SAMD12: variants seen among roughly 807,000 people sequenced by gnomAD.
SAMD12 encodes sterile alpha motif domain-containing protein 12.
SAMD12 carries 9 observed loss-of-function variants against 15.0 expected under a neutral mutation model. The observed-to-expected ratio is 0.60, with a 90% CI of 0.36 to 1.05. The LOEUF (loss-of-function observed/expected upper bound fraction) is 1.05, where lower values mean the gene tolerates loss of function less well. SAMD12 is among the 50% of genes least tolerant of loss of function. SAMD12 has a pLI of 0.01. For missense variants in SAMD12, 230 were observed against 234.2 expected (o/e 0.98, Z 0.12); for synonymous variants, 86 against 90.1 (o/e 0.96, Z 0.25).
intron 4 of SAMD12, among the ~76,000 whole-genome samples, chr8:118,247,856 G>A (rs750943447): frequency 3.9e-5 from 6 of 152,132 alleles, no homozygotes; most frequent in Non-Finnish European, 8.8e-5. Context: ...GCCTCCCAAA[G>A]TGCTGGGATT....
At chr8:118,499,171 T>G (rs1463483441) in intron 2 of SAMD12, among the ~76,000 whole-genome samples, 1 of 152,212 alleles carries the variant, frequency 6.6e-6, no homozygotes, top group Non-Finnish European at 1.5e-5. Flanking sequence ...CATCCTAACA[T>G]GGGCTTCCAT....
At chr8:118,185,171 A>G (rs1180365059), downstream of SAMD12, among the ~76,000 whole-genome samples, 2 of 152,184 alleles carry the variant, frequency 1.3e-5, no homozygotes, top group African/African-American at 2.4e-5. Context: ...TAAGAAGGAA[A>G]GTGAACTATG....
At chr8:118,368,735 A>C (rs575259516) in intron 4 of SAMD12, among the ~76,000 whole-genome samples, 39 of 152,340 alleles carry the variant, frequency 2.6e-4, no homozygotes, top group African/African-American at 9.1e-4. Context: ...AATGAGAGAA[A>C]AGGGCAACAA....
chr8:118,156,305 T>A, the SAMD12 span, among the ~76,000 whole-genome samples: 1 of 152,176 alleles, frequency 6.6e-6, no homozygotes, highest in Non-Finnish European at 1.5e-5. Context: ...TAAGATAACA[T>A]CAGATTGTAT....
chr8:118,325,592 CTT>C (rs1404056171), intron 4 of SAMD12, among the ~76,000 whole-genome samples: 1 of 152,152 alleles, frequency 6.6e-6, no homozygotes, highest in Non-Finnish European at 1.5e-5. Flanking sequence ...GGCAAGAACA[CTT>C]AAGATCTCTC....
intron 3 of SAMD12, among the ~76,000 whole-genome samples, chr8:118,430,163 T>C (rs1397721542): frequency 5.3e-5 from 8 of 152,158 alleles, no homozygotes. Context: ...TCTATAGATA[T>C]CAGTTAGGTC....
At chr8:118,548,398 C>T (rs547021693) in intron 2 of SAMD12, among the ~76,000 whole-genome samples, 7,730 of 150,188 alleles carry the variant, frequency 0.051, 273 homozygotes, top group Non-Finnish European at 0.082. Flanking sequence ...CACACACACA[C>T]ACACACACAC....
intron 1 of SAMD12, among the ~76,000 whole-genome samples, chr8:118,617,694 G>A (rs968062277): frequency 2.0e-5 from 3 of 152,008 alleles, no homozygotes; most frequent in Non-Finnish European, 4.4e-5. Flanking sequence ...AATTGGGGAT[G>A]AGGGGTAAAA....
intron 1 of SAMD12, among the ~76,000 whole-genome samples, chr8:118,583,461 A>C (rs952696695): frequency 6.6e-6 from 1 of 152,198 alleles, no homozygotes; most frequent in Non-Finnish European, 1.5e-5. Context: ...TTAATGAAGA[A>C]AAGAAAAATG....
At chr8:118,477,211 G>A (rs946681852) in intron 2 of SAMD12, among the ~76,000 whole-genome samples, 1 of 151,820 alleles carries the variant, frequency 6.6e-6, no homozygotes, top group Non-Finnish European at 1.5e-5. Context: ...GATTACAGGC[G>A]CCCACCACCA....
chr8:118,192,487 C>T (rs1237487919), exon 5 of SAMD12: 1 of 152,126 alleles, frequency 6.6e-6, no homozygotes, highest in East Asian at 1.9e-4. Context: ...AGCCTCCTTC[C>T]TTGAGGTTCA....
chr8:118,143,416 A>T, the SAMD12 span, among the ~76,000 whole-genome samples: 1 of 152,226 alleles, frequency 6.6e-6, no homozygotes, highest in Admixed American at 6.5e-5. Context: ...AAATACCCTA[A>T]GTGACTTGTC....
chr8:118,452,954 C>A (rs994928709), intron 2 of SAMD12, among the ~76,000 whole-genome samples: 15 of 152,256 alleles, frequency 9.9e-5, no homozygotes, highest in Middle Eastern at 3.4e-3. Flanking sequence ...TGAGAATGAT[C>A]AAGAATTAGC....
At chr8:118,213,669 C>T (rs1297268548) in intron 4 of SAMD12, among the ~76,000 whole-genome samples, 1 of 152,102 alleles carries the variant, frequency 6.6e-6, no homozygotes, top group Non-Finnish European at 1.5e-5. Context: ...AATTCACTAC[C>T]CTGTTAATTT....
intron 2 of SAMD12, among the ~76,000 whole-genome samples, chr8:118,448,856 T>A (rs151179082): frequency 3.3e-5 from 5 of 152,358 alleles, no homozygotes; most frequent in Middle Eastern, 3.4e-3. Context: ...AACGTATTTC[T>A]AAATTCACTG....
intron 4 of SAMD12, among the ~76,000 whole-genome samples, chr8:118,214,028 A>G (rs1811899057): frequency 6.6e-6 from 1 of 152,246 alleles, no homozygotes; most frequent in Admixed American, 6.5e-5. Flanking sequence ...AATTGAGAGT[A>G]GAGTTCATGA....
At chr8:118,343,316 T>C (rs1276923442) in intron 4 of SAMD12, among the ~76,000 whole-genome samples, 2 of 151,832 alleles carry the variant, frequency 1.3e-5, no homozygotes, top group East Asian at 1.9e-4. Context: ...TACATGATAG[T>C]TTTGGAGAGA....
chr8:118,608,933 T>C (rs779679945), intron 1 of SAMD12, among the ~76,000 whole-genome samples: 15 of 152,320 alleles, frequency 9.8e-5, no homozygotes, highest in Non-Finnish European at 1.8e-4. Flanking sequence ...CGACATATTA[T>C]GAACCCAATT....
intron 2 of SAMD12, among the ~76,000 whole-genome samples, chr8:118,472,196 A>C (rs903972563): frequency 6.6e-6 from 1 of 151,878 alleles, no homozygotes; most frequent in African/African-American, 2.4e-5. Context: ...CTGAGGCAGG[A>C]GTATGGCGTG....
Sources: allele counts gnomAD v4.1 joint callset (sites outside exome capture counted in the v4.1 genomes callset), GRCh38; gene constraint gnomAD v4.1.1; transcripts MANE v1.5; gene names NCBI Gene and HGNC (gene_info 2026-07-23, HGNC 2026-07-21).